Variants in PRR23E observed in about 807,000 individuals in gnomAD.
The protein encoded by PRR23E is PRR23 family member E.
At chr3:127,195,694 C>T in the PRR23E span, among the ~76,000 whole-genome samples, 1 of 152,136 alleles carries the variant, frequency 6.6e-6, no homozygotes, top group South Asian at 2.1e-4. Context: ...GACCCCAGCC[C>T]TCAGGACCCC....
At chr3:127,195,681 C>T in the PRR23E span, among the ~76,000 whole-genome samples, 1 of 152,102 alleles carries the variant, frequency 6.6e-6, no homozygotes, top group South Asian at 2.1e-4. Flanking sequence ...CCATGCTGCC[C>T]CTGACCCCAG....
the PRR23E span, chr3:127,197,694 G>T: frequency 0.021 from 6,525 of 313,806 alleles, 99 homozygotes; most frequent in South Asian, 0.047. Flanking sequence ...CCTCAAACAT[G>T]CATGCATGCA....
the PRR23E span, chr3:127,196,742 G>C: frequency 6.3e-7 from 1 of 1,595,218 alleles, no homozygotes; most frequent in South Asian, 1.1e-5. Flanking sequence ...GTGCCTTCGA[G>C]GCCTCCGAGG....
the PRR23E span, chr3:127,197,581 T>A: frequency 2.9e-6 from 1 of 344,798 alleles, no homozygotes; most frequent in Non-Finnish European, 4.3e-6. Context: ...ATTTGCTATT[T>A]CTCTTTACTT....
the PRR23E span, chr3:127,196,618 G>A: frequency 6.7e-7 from 1 of 1,486,088 alleles, no homozygotes; most frequent in South Asian, 1.4e-5. Flanking sequence ...AGGTGCGTGT[G>A]GCCTCAGCTT....
chr3:127,196,534 C>A, the PRR23E span: 2 of 1,286,310 alleles, frequency 1.6e-6, no homozygotes, highest in Non-Finnish European at 2.1e-6. Context: ...TCCTCCCATC[C>A]CCTCCTGTGC....
At chr3:127,196,665 G>A in the PRR23E span, 2 of 1,568,878 alleles carry the variant, frequency 1.3e-6, no homozygotes, top group Non-Finnish European at 1.7e-6. Context: ...TCGGGGCTTT[G>A]AAGAGCACAG....
the PRR23E span, among the ~76,000 whole-genome samples, chr3:127,194,726 G>A: frequency 1.3e-5 from 2 of 152,116 alleles, no homozygotes; most frequent in African/African-American, 2.4e-5. Context: ...TCTATCCTAC[G>A]GGCATCTCAG....
the PRR23E span, among the ~76,000 whole-genome samples, chr3:127,195,094 T>C: frequency 3.9e-5 from 6 of 152,162 alleles, no homozygotes; most frequent in Non-Finnish European, 7.3e-5. Flanking sequence ...GGAGCACCAC[T>C]GTCAGATCTC....
the PRR23E span, chr3:127,196,714 C>G: frequency 6.3e-7 from 1 of 1,592,690 alleles, no homozygotes; most frequent in Non-Finnish European, 8.5e-7. Flanking sequence ...GAGAAACAAG[C>G]AGAGCAGAAG....
the PRR23E span, chr3:127,197,221 A>G: frequency 5.6e-6 from 9 of 1,598,186 alleles, no homozygotes; most frequent in Middle Eastern, 6.6e-4. Context: ...GGAGCTCCCT[A>G]CTTGAAGACA....
chr3:127,194,506 T>C, the PRR23E span, among the ~76,000 whole-genome samples: 4 of 152,212 alleles, frequency 2.6e-5, no homozygotes, highest in Non-Finnish European at 4.4e-5. Flanking sequence ...AGTGTGTTTT[T>C]CCAGAACTGA....
At chr3:127,193,931 C>T in the PRR23E span, among the ~76,000 whole-genome samples, 1 of 152,150 alleles carries the variant, frequency 6.6e-6, no homozygotes, top group South Asian at 2.1e-4. Flanking sequence ...TGTGGTTGCC[C>T]TTGGGCGAGA....
the PRR23E span, among the ~76,000 whole-genome samples, chr3:127,195,429 C>T: frequency 1.3e-5 from 2 of 152,116 alleles, no homozygotes; most frequent in Non-Finnish European, 2.9e-5. Context: ...GGGGCACCTT[C>T]GTGATCTGAC....
chr3:127,197,478 G>A, the PRR23E span: 2 of 1,394,900 alleles, frequency 1.4e-6, no homozygotes, highest in Non-Finnish European at 1.9e-6. Flanking sequence ...CCAGCCAGCT[G>A]TGGACTTTAA....
At chr3:127,195,395 C>T in the PRR23E span, among the ~76,000 whole-genome samples, 1,414 of 152,240 alleles carry the variant, frequency 9.3e-3, 25 homozygotes, top group African/African-American at 0.032. Flanking sequence ...CCATGCTCGC[C>T]CTGAGAGTTC....
chr3:127,196,538 C>T, the PRR23E span: 2 of 1,318,086 alleles, frequency 1.5e-6, no homozygotes, highest in Non-Finnish European at 2.0e-6. Context: ...CCCATCCCCT[C>T]CTGTGCGACC....
chr3:127,193,588 G>A, the PRR23E span, among the ~76,000 whole-genome samples: 1 of 152,152 alleles, frequency 6.6e-6, no homozygotes, highest in African/African-American at 2.4e-5. Flanking sequence ...CGCTGCAGCT[G>A]CGAGGTGTGG....
At chr3:127,197,503 C>A in the PRR23E span, 1 of 1,192,362 alleles carries the variant, frequency 8.4e-7, no homozygotes, top group Non-Finnish European at 1.1e-6. Context: ...TTGGAAGAGT[C>A]TCAGATGTAG....
Sources: allele counts gnomAD v4.1 joint callset (sites outside exome capture counted in the v4.1 genomes callset), GRCh38; gene constraint gnomAD v4.1.1; transcripts MANE v1.5; gene names NCBI Gene and HGNC (gene_info 2026-07-23, HGNC 2026-07-21).